Variants in SPTLC2 observed in about 807,000 individuals in gnomAD.
SPTLC2 encodes serine palmitoyltransferase long chain base subunit 2.
A neutral mutation model predicts 62.0 loss-of-function variants in SPTLC2; 21 were observed. That is an observed-to-expected ratio of 0.34 (90% CI 0.24 to 0.49). The LOEUF is 0.49. SPTLC2 is among the 20% of genes least tolerant of loss of function. The probability of loss-of-function intolerance (pLI) is 0.99; values close to 1 mark genes in which losing one functional copy is unlikely to be tolerated. For missense variants in SPTLC2, 511 were observed against 713.0 expected (o/e 0.72, Z 3.23); for synonymous variants, 261 against 261.8 (o/e 1.00, Z 0.03).
intron 11 of SPTLC2, among the ~76,000 whole-genome samples, chr14:77,517,099 A>G (rs1171977549): frequency 6.6e-6 from 1 of 152,180 alleles, no homozygotes; most frequent in African/African-American, 2.4e-5. Flanking sequence ...ATACAAAACT[A>G]GCTGGGCATG....
chr14:77,549,892 A>G (rs1175748853), intron 9 of SPTLC2, among the ~76,000 whole-genome samples: 1 of 152,224 alleles, frequency 6.6e-6, no homozygotes, highest in Non-Finnish European at 1.5e-5. Flanking sequence ...CAGGGCAAAT[A>G]AATTATCCAA....
intron 2 of SPTLC2, among the ~76,000 whole-genome samples, chr14:77,584,313 A>G (rs2079769334): frequency 6.6e-6 from 1 of 152,216 alleles, no homozygotes; most frequent in Non-Finnish European, 1.5e-5. Flanking sequence ...TTTGTTAAGC[A>G]TCATTCTGGT....
At chr14:77,565,165 C>G (rs1440670630) in intron 5 of SPTLC2, among the ~76,000 whole-genome samples, 1 of 146,988 alleles carries the variant, frequency 6.8e-6, no homozygotes, top group African/African-American at 2.5e-5. Flanking sequence ...TTGCTTGAAC[C>G]CAGGAAGCAG....
chr14:77,586,286 G>A (rs1424906482), intron 2 of SPTLC2, among the ~76,000 whole-genome samples: 1 of 152,014 alleles, frequency 6.6e-6, no homozygotes, highest in East Asian at 1.9e-4. Flanking sequence ...ATGTTGACCA[G>A]GCTGGTGTCA....
chr14:77,568,956 T>G (rs1168983632), intron 5 of SPTLC2, among the ~76,000 whole-genome samples: 1 of 151,698 alleles, frequency 6.6e-6, no homozygotes, highest in Non-Finnish European at 1.5e-5. Flanking sequence ...ATTTTTTGAA[T>G]TGCAAAATCA....
intron 1 of SPTLC2, among the ~76,000 whole-genome samples, chr14:77,599,116 A>C (rs2079863984): frequency 6.6e-6 from 1 of 152,214 alleles, no homozygotes; most frequent in African/African-American, 2.4e-5. Flanking sequence ...ACAAAAACCA[A>C]GCTACTTTAC....
intron 1 of SPTLC2, among the ~76,000 whole-genome samples, chr14:77,598,567 C>A (rs1376415215): frequency 6.6e-6 from 1 of 152,178 alleles, no homozygotes; most frequent in African/African-American, 2.4e-5. Flanking sequence ...TGCAGAAACA[C>A]GTAGTTCAAA....
Position 77,568,193 on chromosome 14 carries a change from T to C in SPTLC2, c.756+2191A>G, listed in dbSNP as rs569875250. Reference sequence around the variant, plus strand: ...AGTTCAAAATATGTTTATTTTCCCCTGTTTTTTCTTCTTTGGCCCATGGGT... The same window carrying C: ...AGTTCAAAATATGTTTATTTTCCCCCGTTTTTTCTTCTTTGGCCCATGGGT... On this transcript the variant is annotated intron_variant, in intron 5 of 11. Transcript: ENST00000216484. Among the ~76,000 whole-genome samples, 32 of 152,312 alleles carry C rather than the reference T, an allele frequency of 2.1e-4. No homozygotes were observed. The South Asian group carries it at 3.9e-3, about 19-fold the overall frequency.
intron 9 of SPTLC2, among the ~76,000 whole-genome samples, chr14:77,531,736 T>G (rs1250219823): frequency 6.6e-6 from 1 of 152,034 alleles, no homozygotes; most frequent in Non-Finnish European, 1.5e-5. Context: ...GGTCTTGAAC[T>G]CCCAACCTCA....
At chr14:77,595,355 A>C (rs2079840808) in intron 2 of SPTLC2, among the ~76,000 whole-genome samples, 1 of 152,066 alleles carries the variant, frequency 6.6e-6, no homozygotes. Context: ...ACTGAGCGAG[A>C]CTCTTGTCTA....
At chr14:77,560,062 C>T (rs958644277) in intron 6 of SPTLC2, among the ~76,000 whole-genome samples, 4 of 152,086 alleles carry the variant, frequency 2.6e-5, no homozygotes, top group Non-Finnish European at 5.9e-5. Context: ...AAAAGTTGTT[C>T]TATATCTAAT....
intron 6 of SPTLC2, among the ~76,000 whole-genome samples, chr14:77,557,547 G>A (rs1323670082): frequency 6.6e-6 from 1 of 152,202 alleles, no homozygotes; most frequent in African/African-American, 2.4e-5. Flanking sequence ...GAGCGAGAGA[G>A]TGTGAATAAA....
chr14:77,550,958 A>G (rs1469178506), intron 9 of SPTLC2, among the ~76,000 whole-genome samples: 1 of 152,008 alleles, frequency 6.6e-6, no homozygotes, highest in African/African-American at 2.4e-5. Context: ...TCTTAAACCA[A>G]CCAAAATCAG....
At chr14:77,566,078 C>T (rs995658150) in intron 5 of SPTLC2, among the ~76,000 whole-genome samples, 11 of 152,126 alleles carry the variant, frequency 7.2e-5, no homozygotes, top group South Asian at 2.1e-4. Flanking sequence ...CCTTCCCCTC[C>T]GCACAAAATT....
intron 1 of SPTLC2, among the ~76,000 whole-genome samples, chr14:77,603,008 A>C (rs1050735159): frequency 1.3e-5 from 2 of 152,218 alleles, no homozygotes; most frequent in Non-Finnish European, 2.9e-5. Context: ...AAAATAAAAC[A>C]GTTTTTATTG....
rs538380160 is a variant in SPTLC2 at position 77,523,443 on chromosome 14, G to A, written c.1304-1862C>T. Among the ~76,000 whole-genome samples the A allele has an allele frequency of 2.6e-5, 4 of 152,260 alleles. No individual in the cohort carries two copies. The East Asian group carries it at 7.7e-4, about 29-fold the overall frequency. The stretch of plus-strand genomic sequence containing the variant: ...AGATCAGAGCTGGGGAGGCTGCGGG[G>A]GCTAGAATTTGTTGGGCAGTGTACA... On this transcript the variant is annotated intron_variant, in intron 9 of 11. Transcript: ENST00000216484.
rs2079330549 is a variant in SPTLC2 at position 77,511,174 on chromosome 14, A to G, written c.*1110T>C. On this transcript the variant is annotated 3_prime_UTR_variant, in exon 12 of 12. Coordinates refer to ENST00000216484, the MANE Select transcript of SPTLC2 (RefSeq NM_004863.4). ...GAGAACTAGCATTCAGAAGAGTAATATTTAAGTGGGTTAGCTTCTAAGAGG... is the reference window on the plus strand; with the variant it reads ...GAGAACTAGCATTCAGAAGAGTAATGTTTAAGTGGGTTAGCTTCTAAGAGG... The G allele has an allele frequency of 6.6e-6, 1 of 152,244 alleles. No individual in the cohort carries two copies. Among genetic ancestry groups the G allele is most frequent in the Non-Finnish European group, 1.5e-5 (1 of 68,038 alleles). 9.4% of individuals were successfully genotyped at this position (152,244 alleles called of 1,614,324 possible).
chr14:77,556,281 C>T (rs1297313062), intron 7 of SPTLC2, among the ~76,000 whole-genome samples: 2 of 152,044 alleles, frequency 1.3e-5, no homozygotes, highest in African/African-American at 4.8e-5. Flanking sequence ...CCACTGCACT[C>T]CAGCCTGGGT....
chr14:77,559,085 C>T (rs143363836), intron 6 of SPTLC2, among the ~76,000 whole-genome samples: 1 of 151,976 alleles, frequency 6.6e-6, no homozygotes, highest in African/African-American at 2.4e-5. Context: ...TTTGGGAGAC[C>T]GAGGCGGGTG....
Sources: allele counts gnomAD v4.1 joint callset (sites outside exome capture counted in the v4.1 genomes callset), GRCh38; gene constraint gnomAD v4.1.1; transcripts MANE v1.5; gene names NCBI Gene and HGNC (gene_info 2026-07-23, HGNC 2026-07-21).